The following PADI2 variants were observed in gnomAD, a reference collection of about 807,000 sequenced individuals.
The protein encoded by PADI2 is peptidyl arginine deiminase 2, also known as protein-arginine deiminase type-2.
In PADI2, 70 loss-of-function variants were observed where a neutral mutation model predicts 81.1. The observed-to-expected ratio is 0.86, with a 90% CI of 0.71 to 1.05. The LOEUF is 1.05. Among genes scored for constraint, PADI2 ranks in the 50% least tolerant of loss-of-function variants. The pLI is 0.00. For synonymous variants in PADI2, 338 were observed against 358.0 expected, an observed-to-expected ratio of 0.94 and a Z score of 0.63; for missense variants, 853 against 889.9, an observed-to-expected ratio of 0.96 and a Z score of 0.53.
rs575376747 is a variant in PADI2, at chr1:17,094,289, C to T, written c.412-605G>A. Among the ~76,000 whole-genome samples the T allele has an allele frequency of 4.6e-5, 7 of 152,318 alleles. No individual in the cohort carries two copies. In the South Asian group the frequency reaches 6.2e-4, roughly 14 times the overall value. On this transcript the variant is annotated intron_variant, in intron 4 of 15. Transcript: ENST00000375486. The stretch of plus-strand genomic sequence containing the variant: ...GCCTTCCTCTCTGTCTCATCTCCTC[C>T]GCCTTGCCCCTCGCTCACTCTGCCC...
rs527588302 is a variant in PADI2, at chr1:17,073,534, T to C, written c.1549+1322A>G. On this transcript the variant is annotated intron_variant, in intron 13 of 15. Coordinates refer to ENST00000375486, the MANE Select transcript of PADI2 (RefSeq NM_007365.3). ...CAAGTGGTTAAAATAACAAATGTGT[T>C]AGATTAGGTATATTTTATCACAATA... 1.0e-3 allele frequency among the ~76,000 whole-genome samples: 153 copies of C among 152,270 alleles called. 1 individual carries two copies. Among genetic ancestry groups the C allele is most frequent in the African/African-American group, 3.4e-3 (143 of 41,548 alleles).
At chr1:17,117,580 C>G (rs1447420291) in intron 1 of PADI2, among the ~76,000 whole-genome samples, 5 of 152,140 alleles carry the variant, frequency 3.3e-5, no homozygotes, top group African/African-American at 1.2e-4. Flanking sequence ...CTGCTGCCCC[C>G]TGCTAGAGGG....
At position 17,095,988 on chromosome 1, in the gene PADI2, G is replaced by A. The variant is rs372169710; in HGVS notation, c.350-18C>T. ...GGAGATCTCTGGGGAGAAGAGACAT[G>A]GGTGAGTTGCTGAGCCTGCCAGGCA... On this transcript the variant is annotated intron_variant, in intron 3 of 15. Coordinates refer to ENST00000375486, the MANE Select transcript of PADI2 (RefSeq NM_007365.3). 2.1e-5 allele frequency: 33 copies of A among 1,596,248 alleles called. No individual in the cohort carries two copies. The highest frequency in any genetic ancestry group is 2.6e-5 in the Non-Finnish European group (30 of 1,170,250).
At chr1:17,107,351 G>T (rs76474789) in intron 1 of PADI2, among the ~76,000 whole-genome samples, 5,066 of 152,330 alleles carry the variant, frequency 0.033, 133 homozygotes, top group Non-Finnish European at 0.053. Flanking sequence ...GGCTGGCATG[G>T]CAGAGGCTGA....
rs1931296247 is a variant in PADI2 at position 17,104,749 on chromosome 1, A to G, written c.276+129T>C. Reference sequence around the variant, plus strand: ...CGCCCGGCCTCTTTTTGCCTTTTCAATGTGGTTACTGCAGAACTGAAAATG... The same window carrying G: ...CGCCCGGCCTCTTTTTGCCTTTTCAGTGTGGTTACTGCAGAACTGAAAATG... On this transcript the variant is annotated intron_variant, in intron 2 of 15. Transcript: ENST00000375486. The G allele has an allele frequency of 3.8e-6, 3 of 795,354 alleles. No homozygotes were observed. The South Asian group carries it at 8.8e-5, about 23-fold the overall frequency. The allele number at this position is 795,354 out of a possible 1,614,324, so 49.3% of individuals were successfully genotyped here.
intron 13 of PADI2, among the ~76,000 whole-genome samples, chr1:17,072,010 T>C (rs2078267880): frequency 1.3e-5 from 2 of 151,480 alleles, no homozygotes; most frequent in African/African-American, 4.9e-5. Flanking sequence ...GCACCTACTA[T>C]GTGGCCGACG....
chr1:17,092,562 A>G (rs1207982323), intron 5 of PADI2, 29 bp from the exon 6 acceptor site: 3 of 1,545,292 alleles, frequency 1.9e-6, no homozygotes, highest in Non-Finnish European at 2.6e-6. Flanking sequence ...GAATGAAGAG[A>G]TCTATCTGTT....
intron 6 of PADI2, among the ~76,000 whole-genome samples, chr1:17,088,275 A>G (rs1437702243): frequency 6.6e-6 from 1 of 152,188 alleles, no homozygotes; most frequent in Non-Finnish European, 1.5e-5. Context: ...GTAGGACCCT[A>G]TGCAGTTCCA....
At position 17,067,900 on chromosome 1, in the gene PADI2, A is replaced by C. The variant is rs1158353641; in HGVS notation, c.*1144T>G. 1 of 152,490 alleles carries C rather than the reference A, an allele frequency of 6.6e-6. No homozygotes were observed. Among genetic ancestry groups the C allele is most frequent in the Admixed American group, 6.5e-5 (1 of 15,282 alleles). 9.4% of individuals were successfully genotyped at this position (152,490 alleles called of 1,614,324 possible). Reference sequence around the variant, plus strand: ...TTAACGATTGAAACTGAGTCTTTTCAGTTGGAGCCAGGGAATGAATCTGGG... The same window carrying C: ...TTAACGATTGAAACTGAGTCTTTTCCGTTGGAGCCAGGGAATGAATCTGGG... On this transcript the variant is annotated 3_prime_UTR_variant, in exon 16 of 16. Coordinates refer to ENST00000375486, the MANE Select transcript of PADI2 (RefSeq NM_007365.3).
At chr1:17,081,391 C>A (rs1570983002) in intron 10 of PADI2, among the ~76,000 whole-genome samples, 1 of 152,314 alleles carries the variant, frequency 6.6e-6, no homozygotes, top group East Asian at 1.9e-4. Context: ...ATTGCTTGCC[C>A]AAGGTCACAT....
intron 6 of PADI2, among the ~76,000 whole-genome samples, chr1:17,089,338 T>C (rs1930589868): frequency 6.6e-6 from 1 of 152,208 alleles, no homozygotes; most frequent in Non-Finnish European, 1.5e-5. Flanking sequence ...AACATTTTCC[T>C]CCAGGCACTC....
intron 7 of PADI2, 48 bp from the exon 8 acceptor site, chr1:17,084,750 G>A (rs1557762765): frequency 8.4e-7 from 1 of 1,191,406 alleles, no homozygotes; most frequent in South Asian, 1.4e-5. Context: ...TTTGTCAGGT[G>A]CTTTCTTTGC....
chr1:17,107,352 C>T (rs1931418832), intron 1 of PADI2, among the ~76,000 whole-genome samples: 1 of 152,134 alleles, frequency 6.6e-6, no homozygotes, highest in South Asian at 2.1e-4. Flanking sequence ...GCTGGCATGG[C>T]AGAGGCTGAG....
intron 4 of PADI2, 141 bp from the exon 5 acceptor site, chr1:17,093,825 C>T (rs1349978042): frequency 1.7e-6 from 1 of 578,960 alleles, no homozygotes; most frequent in Admixed American, 3.1e-5. Context: ...AAATGTGAAT[C>T]TCAAGACTGA....
intron 11 of PADI2, chr1:17,078,974 G>A (rs1321569308): frequency 9.6e-6 from 2 of 208,380 alleles, no homozygotes; most frequent in Non-Finnish European, 1.9e-5. Flanking sequence ...GGGATTACAG[G>A]TGAGAGCCAC....
At chr1:17,076,118 C>A (rs1466295864) in intron 11 of PADI2, among the ~76,000 whole-genome samples, 1 of 152,166 alleles carries the variant, frequency 6.6e-6, no homozygotes, top group African/African-American at 2.4e-5. Flanking sequence ...GTGCGGGAGT[C>A]CCACCTGGCC....
chr1:17,083,783 G>A lies in PADI2; in HGVS notation c.993C>T (p.Thr331=), dbSNP rs370356850. The change falls in exon 9 of 16, where the codon ACC becomes ACT. Residue 331 remains threonine, a synonymous_variant. Coordinates refer to ENST00000375486, the MANE Select transcript of PADI2 (RefSeq NM_007365.3). ...GGAAGCAGACCTTCAGCTCACAGTT[G>A]GTTTTCTCCACAAGGTTCTTCACCT... is the stretch of plus-strand genomic sequence containing the variant. ...LKEVKNLVEK[T]NCELKVCFQY... is the part of the protein sequence containing the mutation. 3.0e-5 allele frequency: 48 copies of A among 1,613,700 alleles called. No individual in the cohort carries two copies. The highest frequency in any genetic ancestry group is 3.9e-5 in the Non-Finnish European group (46 of 1,179,730).
At chr1:17,110,666 T>G (rs986732155) in intron 1 of PADI2, among the ~76,000 whole-genome samples, 2 of 152,222 alleles carry the variant, frequency 1.3e-5, no homozygotes, top group Non-Finnish European at 2.9e-5. Context: ...TTCCACCACT[T>G]CAGCTCCCTG....
At chr1:17,114,484 G>A (rs933167703) in intron 1 of PADI2, among the ~76,000 whole-genome samples, 1 of 152,098 alleles carries the variant, frequency 6.6e-6, no homozygotes, top group Non-Finnish European at 1.5e-5. Context: ...CCCCAGCTGC[G>A]AAAAGGGGAC....
Sources: allele counts gnomAD v4.1 joint callset (sites outside exome capture counted in the v4.1 genomes callset), GRCh38; gene constraint gnomAD v4.1.1; transcripts MANE v1.5; gene names NCBI Gene and HGNC (gene_info 2026-07-23, HGNC 2026-07-21).